Variants in NCKAP5 observed in about 807,000 individuals in gnomAD.
NCKAP5 encodes the protein nck-associated protein 5.
In NCKAP5, 92 loss-of-function variants were observed where a neutral mutation model predicts 167.0. The ratio of observed to expected loss-of-function variants is 0.55; its 90% CI spans 0.47 to 0.66. The LOEUF is 0.66. Ranked by LOEUF, NCKAP5 falls within the 30% of genes least tolerant of loss-of-function variation. The pLI, the probability that NCKAP5 is intolerant of heterozygous loss-of-function variation, is 0.00. For synonymous variants in NCKAP5, 891 were observed against 877.4 expected (o/e 1.02, Z -0.27); for missense variants, 2,378 against 2,315.0 (o/e 1.03, Z -0.56).
chr2:133,405,402 C>T (rs115688392), intron 3 of NCKAP5, among the ~76,000 whole-genome samples: 20 of 152,164 alleles, frequency 1.3e-4, no homozygotes, highest in South Asian at 6.2e-4. Context: ...CACTACTCTT[C>T]GGGGCCATTT....
chr2:132,677,716 C>T (rs146064383), intron 19 of NCKAP5, among the ~76,000 whole-genome samples: 163 of 152,102 alleles, frequency 1.1e-3, no homozygotes, highest in African/African-American at 3.5e-3. Flanking sequence ...TAGACAATCA[C>T]TATAAAGACA....
chr2:132,823,234 C>G (rs1348988314), intron 11 of NCKAP5, among the ~76,000 whole-genome samples: 1 of 152,138 alleles, frequency 6.6e-6, no homozygotes, highest in Non-Finnish European at 1.5e-5. Flanking sequence ...AGATCATCAC[C>G]TAGGCACATA....
chr2:133,190,279 A>G (rs2085152537), intron 5 of NCKAP5, among the ~76,000 whole-genome samples: 1 of 152,232 alleles, frequency 6.6e-6, no homozygotes, highest in Non-Finnish European at 1.5e-5. Flanking sequence ...AAAAGAGGAT[A>G]CAAACAAATG....
At chr2:132,938,352 T>C (rs966601702) in intron 8 of NCKAP5, among the ~76,000 whole-genome samples, 7 of 152,204 alleles carry the variant, frequency 4.6e-5, no homozygotes, top group African/African-American at 1.7e-4. Flanking sequence ...ATTTGAGAAA[T>C]ACCATGTGTA....
At chr2:132,998,293 C>T (rs2077667687) in intron 6 of NCKAP5, among the ~76,000 whole-genome samples, 1 of 152,160 alleles carries the variant, frequency 6.6e-6, no homozygotes, top group African/African-American at 2.4e-5. Flanking sequence ...ATTCACCTTT[C>T]CCCCATTTTT....
chr2:133,605,905 C>T, the NCKAP5 span, among the ~76,000 whole-genome samples: 3 of 152,146 alleles, frequency 2.0e-5, no homozygotes, highest in Non-Finnish European at 4.4e-5. Flanking sequence ...TCCTCTGAGG[C>T]TCTGTGCTTC....
chr2:133,012,100 G>A (rs4953868), intron 6 of NCKAP5, among the ~76,000 whole-genome samples: 62,396 of 151,866 alleles, frequency 0.41, 13,163 homozygotes, highest in Middle Eastern at 0.52. Context: ...CCTTTCTCCC[G>A]TTGCAATCTA....
chr2:133,076,307 T>C (rs927504325), intron 6 of NCKAP5, among the ~76,000 whole-genome samples: 1 of 152,188 alleles, frequency 6.6e-6, no homozygotes, highest in Non-Finnish European at 1.5e-5. Flanking sequence ...AAGGAACTCA[T>C]GGATATAGAG....
chr2:132,869,466 T>C lies in NCKAP5; in HGVS notation c.649-492A>G, dbSNP rs144792476. On this transcript the variant is annotated intron_variant, in intron 9 of 19. Coordinates refer to ENST00000409261, the MANE Select transcript of NCKAP5 (RefSeq NM_207363.3). ...ACAACTCATTGTTTCCTATGTGTCC[T>C]GCTTTCATCTTCAATGTTTTTGCTT... 5.2e-3 allele frequency among the ~76,000 whole-genome samples: 787 copies of C among 152,328 alleles called. 9 individuals carry two copies. Among genetic ancestry groups the C allele is most frequent in the Non-Finnish European group, 3.9e-3 (262 of 68,018 alleles).
intron 4 of NCKAP5, among the ~76,000 whole-genome samples, chr2:133,236,321 G>A (rs2087419704): frequency 6.6e-6 from 1 of 152,136 alleles, no homozygotes. Context: ...TTCCTTAGGA[G>A]CAATGGTTCA....
intron 4 of NCKAP5, among the ~76,000 whole-genome samples, chr2:133,245,174 TG>T (rs1215675844): frequency 1.3e-5 from 2 of 152,254 alleles, no homozygotes; most frequent in South Asian, 2.1e-4. Flanking sequence ...TGTACAAACC[TG>T]TTCATAGCAG....
chr2:133,600,068 T>C, the NCKAP5 span, among the ~76,000 whole-genome samples: 2 of 152,208 alleles, frequency 1.3e-5, no homozygotes, highest in Non-Finnish European at 2.9e-5. Context: ...GTCTAAACAA[T>C]GCCACTCAGC....
At chr2:133,578,993 G>A in the NCKAP5 span, among the ~76,000 whole-genome samples, 1 of 152,178 alleles carries the variant, frequency 6.6e-6, no homozygotes, top group Non-Finnish European at 1.5e-5. Flanking sequence ...CAGAGTAGCA[G>A]CTTAGACAAT....
chr2:132,779,178 AC>A (rs1682804952), intron 15 of NCKAP5, among the ~76,000 whole-genome samples: 1 of 152,238 alleles, frequency 6.6e-6, no homozygotes, highest in Non-Finnish European at 1.5e-5. Flanking sequence ...AGACCAAAGG[AC>A]CCTGTGAAAG....
At chr2:133,646,245 TAAAAC>T in the NCKAP5 span, among the ~76,000 whole-genome samples, 1 of 151,904 alleles carries the variant, frequency 6.6e-6, no homozygotes, top group African/African-American at 2.4e-5. Context: ...AATTTAAAAA[TAAAAC>T]CACTATCTTA....
chr2:133,670,346 A>C, the NCKAP5 span, among the ~76,000 whole-genome samples: 1 of 152,370 alleles, frequency 6.6e-6, no homozygotes, highest in Non-Finnish European at 1.5e-5. Context: ...CTTCAGCTGT[A>C]TGAATATATT....
At chr2:133,344,606 G>A (rs1401394728) in intron 3 of NCKAP5, among the ~76,000 whole-genome samples, 2 of 152,012 alleles carry the variant, frequency 1.3e-5, no homozygotes, top group Non-Finnish European at 1.5e-5. Context: ...ATCGCTGGAC[G>A]CAGAGTGGTA....
intron 6 of NCKAP5, among the ~76,000 whole-genome samples, chr2:133,073,542 A>G (rs985042540): frequency 6.6e-6 from 1 of 152,182 alleles, no homozygotes; most frequent in African/African-American, 2.4e-5. Context: ...CTAAGCCAAC[A>G]CTGGAACCAC....
chr2:133,452,128 A>G (rs1691585814), intron 3 of NCKAP5, among the ~76,000 whole-genome samples: 1 of 152,210 alleles, frequency 6.6e-6, no homozygotes, highest in Non-Finnish European at 1.5e-5. Flanking sequence ...TTAGAAAACA[A>G]TCAACTGGCC....
Sources: gnomAD v4.1 joint callset for allele counts (sites outside exome capture counted in the v4.1 genomes callset) on GRCh38, gnomAD v4.1.1 for gene constraint, MANE v1.5 for transcripts, NCBI Gene and HGNC (gene_info 2026-07-23, HGNC 2026-07-21) for gene names.